ESYT1: variants seen among roughly 807,000 people sequenced by gnomAD.
ESYT1 encodes extended synaptotagmin-1.
A neutral mutation model predicts 154.2 loss-of-function variants in ESYT1; 116 were observed. The ratio of observed to expected loss-of-function variants is 0.75; its 90% CI spans 0.65 to 0.88. The LOEUF (loss-of-function observed/expected upper bound fraction) is 0.88, where lower values mean the gene tolerates loss of function less well. Ranked by LOEUF, ESYT1 falls within the 40% of genes least tolerant of loss-of-function variation. ESYT1 has a pLI of 0.00. For synonymous variants in ESYT1, 500 were observed against 539.9 expected, an observed-to-expected ratio of 0.93 and a Z score of 1.02; for missense variants, 1,264 against 1,379.3, an observed-to-expected ratio of 0.92 and a Z score of 1.32.
At chr12:56,135,961 T>C (rs1365917303) in intron 15 of ESYT1, among the ~76,000 whole-genome samples, 2 of 146,644 alleles carry the variant, frequency 1.4e-5, no homozygotes, top group Non-Finnish European at 1.5e-5. Flanking sequence ...CTTGGGAGGC[T>C]GAGGCAGAAG....
chr12:56,132,521 T>C lies in ESYT1; in HGVS notation c.1085T>C (p.Val362Ala). ...GGCAAGTCAGACCCATATGCACTTG[T>C]GCGTTTGGGTACCCAGACATTCTGC... is the stretch of plus-strand genomic sequence containing the variant. ...IEGKSDPYAL[V>A]RLGTQTFCSR... Residue 362 changes from valine to alanine, a missense_variant, in exon 9 of 31, where the codon GTG (valine) becomes GCG (alanine). Val to Ala is a moderately conservative substitution (Grantham distance 64). Transcript: ENST00000394048. 1 of 1,614,154 alleles carries C rather than the reference T, an allele frequency of 6.2e-7. No homozygotes were observed. Among genetic ancestry groups the C allele is most frequent in the South Asian group, 1.1e-5 (1 of 91,078 alleles).
chr12:56,132,546 CA>C lies in ESYT1; in HGVS notation c.1111del (p.Ser371ValfsTer18). The C allele has an allele frequency of 6.2e-7, 1 of 1,614,200 alleles. No individual in the cohort carries two copies. The highest frequency in any genetic ancestry group is 8.5e-7 in the Non-Finnish European group (1 of 1,180,038). On this transcript the variant is annotated frameshift_variant, in exon 9 of 31. Coordinates refer to ENST00000394048, the MANE Select transcript of ESYT1 (RefSeq NM_015292.3). LOFTEE classifies it high-confidence loss of function. ...LVRLGTQTFCSRVIDEELNPQ... is the reference protein window; with the variant it reads ...LVRLGTQTFCXRVIDEELNPQ... ...TGCGTTTGGGTACCCAGACATTCTG[CA>C]GTCGTGTCATTGATGAAGAACTCAA...
chr12:56,137,458 C>T (rs372063380), intron 17 of ESYT1, 41 bp from the exon 18 acceptor site: 1 of 1,608,992 alleles, frequency 6.2e-7, no homozygotes, highest in East Asian at 2.2e-5. Context: ...TGACAGGTCT[C>T]TCTCCCTTTG....
intron 1 of ESYT1, chr12:56,130,287 G>A (rs891616786): frequency 2.4e-5 from 12 of 493,850 alleles, no homozygotes; most frequent in South Asian, 1.1e-4. Flanking sequence ...GAAAGAATGC[G>A]CCCTTCTCCT....
chr12:56,132,464 C>T lies in ESYT1; in HGVS notation c.1028C>T (p.Ser343Phe), dbSNP rs546720441. ...IHLLAARGLS[S>F]KDKYVKGLIE... Reference sequence around the variant, plus strand: ...CTGCTGGCTGCTCGAGGGCTGAGTTCCAAGGACAAATATGTGAAGGGCCTG... The same window carrying T: ...CTGCTGGCTGCTCGAGGGCTGAGTTTCAAGGACAAATATGTGAAGGGCCTG... The change falls in exon 9 of 31, where the codon TCC becomes TTC. Residue 343 changes from serine (S) to phenylalanine (F), a missense_variant. Physicochemically the swap from Ser to Phe is radical, Grantham distance 155 (BLOSUM62 -2). Coordinates refer to ENST00000394048, the MANE Select transcript of ESYT1 (RefSeq NM_015292.3). 51 of 1,614,160 alleles carry T rather than the reference C, an allele frequency of 3.2e-5. No individual in the cohort carries two copies. In the South Asian group the frequency reaches 5.3e-4, roughly 17 times the overall value.
At position 56,131,523 on chromosome 12, in the gene ESYT1, T is replaced by C; in HGVS notation, c.761T>C (p.Leu254Pro). Residue 254 changes from leucine to proline, a missense_variant, in exon 6 of 31, where the codon CTT becomes CCT. Transcript: ENST00000394048. ...ATACTGGAGCCACTCATTGGGGACC[T>C]TCCCTTCGTGGGGGCTGTGTCAATG... The part of the protein sequence containing the change: ...RVILEPLIGD[L>P]PFVGAVSMFF... The C allele has an allele frequency of 6.2e-7, 1 of 1,614,142 alleles. No homozygotes were observed. The highest frequency in any genetic ancestry group is 2.2e-5 in the East Asian group (1 of 44,878).
chr12:56,134,830 C>G (rs1036037001), intron 15 of ESYT1, among the ~76,000 whole-genome samples: 8 of 151,906 alleles, frequency 5.3e-5, no homozygotes, highest in Non-Finnish European at 1.2e-4. Flanking sequence ...AACTCCTGAC[C>G]TCAGATGATC....
intron 15 of ESYT1, among the ~76,000 whole-genome samples, chr12:56,134,860 A>C (rs1870386583): frequency 6.6e-6 from 1 of 152,052 alleles, no homozygotes; most frequent in African/African-American, 2.4e-5. Context: ...CAGCCTCCCA[A>C]AGTGCTGGGA....
intron 24 of ESYT1, among the ~76,000 whole-genome samples, chr12:56,140,145 A>C (rs894191486): frequency 6.6e-6 from 1 of 151,440 alleles, no homozygotes; most frequent in East Asian, 2.0e-4. Context: ...TGGGATTACA[A>C]GCGTGAGAAC....
intron 24 of ESYT1, among the ~76,000 whole-genome samples, chr12:56,139,886 C>G (rs1342924786): frequency 1.3e-5 from 2 of 151,178 alleles, no homozygotes; most frequent in Non-Finnish European, 2.9e-5. Context: ...CTGCACCCGG[C>G]CTTTTTTTTT....
intron 24 of ESYT1, among the ~76,000 whole-genome samples, chr12:56,139,659 A>G (rs939824545): frequency 1.1e-4 from 16 of 148,370 alleles, no homozygotes; most frequent in African/African-American, 3.7e-4. Context: ...GCAGTGGCGC[A>G]ATCTCAGCTC....
Position 56,144,313 on chromosome 12 carries a change from T to C in ESYT1, c.*451T>C, listed in dbSNP as rs983065841. On this transcript the variant is annotated 3_prime_UTR_variant, in exon 31 of 31. Coordinates refer to ENST00000394048, the MANE Select transcript of ESYT1 (RefSeq NM_015292.3). ...GCTAACCTCTCCAGCTGTGAGCCTC[T>C]TAGACTACTGCATGTAGCAAATGTT... 8.7e-6 allele frequency: 9 copies of C among 1,034,326 alleles called. No homozygotes were observed. The South Asian group carries it at 2.9e-4, about 33-fold the overall frequency. 64.1% of individuals were successfully genotyped at this position (1,034,326 alleles called of 1,614,324 possible).
intron 24 of ESYT1, among the ~76,000 whole-genome samples, chr12:56,141,620 G>A (rs897678966): frequency 6.6e-6 from 1 of 152,156 alleles, no homozygotes; most frequent in Non-Finnish European, 1.5e-5. Context: ...GACACCTGTA[G>A]TCCCAGCTAC....
Position 56,143,161 on chromosome 12 carries a change from G to A in ESYT1, c.3119+13G>A. 2 of 1,614,188 alleles carry A rather than the reference G, an allele frequency of 1.2e-6. No homozygotes were observed. The highest frequency in any genetic ancestry group is 1.7e-6 in the Non-Finnish European group (2 of 1,180,046). On this transcript the variant is annotated intron_variant, in intron 28 of 30. Transcript: ENST00000394048. ...AATTTAATGAACGGTCAGTCAGTGGGCATTCAGGTGGAGAGATGGCAGGCT... is the reference window on the plus strand; with the variant it reads ...AATTTAATGAACGGTCAGTCAGTGGACATTCAGGTGGAGAGATGGCAGGCT...
At position 56,142,055 on chromosome 12, in the gene ESYT1, G is replaced by A. The variant is rs909058031; in HGVS notation, c.2593-230G>A. Among the ~76,000 whole-genome samples, 1 of 149,230 alleles carries A rather than the reference G, an allele frequency of 6.7e-6. No individual in the cohort carries two copies. Among genetic ancestry groups the A allele is most frequent in the Non-Finnish European group, 1.5e-5 (1 of 67,428 alleles). On this transcript the variant is annotated intron_variant, in intron 24 of 30. Coordinates refer to ENST00000394048, the MANE Select transcript of ESYT1 (RefSeq NM_015292.3). This position sits in a 1 kb window ranked among gnomAD's most constrained non-coding sequence, Gnocchi z 4.1. ...GGAGGTTGCGGTGAGACCAGATCAC[G>A]CCATGCACTCCAGCCTGGGCAACAA...
chr12:56,139,936 G>A (rs1042059912), intron 24 of ESYT1, among the ~76,000 whole-genome samples: 6 of 151,530 alleles, frequency 4.0e-5, no homozygotes, highest in Non-Finnish European at 7.4e-5. Flanking sequence ...CTGGAGTGCC[G>A]TGGTGCAATC....
chr12:56,141,712 C>A (rs1031160919), intron 24 of ESYT1, among the ~76,000 whole-genome samples: 2 of 152,086 alleles, frequency 1.3e-5, no homozygotes, highest in African/African-American at 4.8e-5. Flanking sequence ...TGCACTCCAG[C>A]CTGGGCAACA....
In ESYT1 at chr12:56,131,244, C is replaced by T. The variant is rs766595348; in HGVS notation, c.642C>T (p.Ser214=). The change falls in exon 5 of 31, where the codon AGC becomes AGT. Residue 214 remains serine (S), a splice_region_variant and synonymous_variant. Coordinates refer to ENST00000394048, the MANE Select transcript of ESYT1 (RefSeq NM_015292.3). ...KEQILLDLNI[S]YVGDVQIDVE... Reference sequence around the variant, plus strand: ...GGTTCTCTTCTTCACCAATCCCCAGCTATGTAGGTGATGTGCAGATTGATG... The same window carrying T: ...GGTTCTCTTCTTCACCAATCCCCAGTTATGTAGGTGATGTGCAGATTGATG... 1.2e-5 allele frequency: 20 copies of T among 1,614,192 alleles called. No homozygotes were observed. The highest frequency in any genetic ancestry group is 1.7e-5 in the Non-Finnish European group (20 of 1,180,038).
At position 56,144,571 on chromosome 12, in the gene ESYT1, C is replaced by T. The variant is rs1870846157; in HGVS notation, c.*709C>T. ...CAGGGCCAATTTTTTTGCCCAAGTG[C>T]CTAGGCTGCTAACTCACTGACTAGA... On this transcript the variant is annotated 3_prime_UTR_variant, in exon 31 of 31. Transcript: ENST00000394048. 2 of 985,448 alleles carry T rather than the reference C, an allele frequency of 2.0e-6. No individual in the cohort carries two copies. Among genetic ancestry groups the T allele is most frequent in the African/African-American group, 3.5e-5 (2 of 57,336 alleles). The allele number at this position is 985,448 out of a possible 1,614,324, so 61.0% of individuals were successfully genotyped here. A position where few individuals can be genotyped will look rare whatever the true frequency, so the allele number is the denominator to read the frequency against.
Sources: gnomAD v4.1 joint callset for allele counts (sites outside exome capture counted in the v4.1 genomes callset) on GRCh38, gnomAD v4.1.1 for gene constraint, Gnocchi (gnomAD v3.1) non-coding constraint, MANE v1.5 for transcripts, NCBI Gene and HGNC (gene_info 2026-07-23, HGNC 2026-07-21) for gene names.